The following CERS6 variants were observed in gnomAD, a reference collection of about 807,000 sequenced individuals.
CERS6 encodes ceramide synthase 6.
A neutral mutation model predicts 56.8 loss-of-function variants in CERS6; 26 were observed. The ratio of observed to expected loss-of-function variants is 0.46; its 90% CI spans 0.34 to 0.63. The LOEUF (loss-of-function observed/expected upper bound fraction) is 0.63. Among genes scored for constraint, CERS6 ranks in the 30% least tolerant of loss-of-function variants. The pLI, the probability that CERS6 is intolerant of heterozygous loss-of-function variation, is 0.01. For synonymous variants in CERS6, 164 were observed against 173.3 expected (o/e 0.95, Z 0.42); for missense variants, 415 against 467.5 (o/e 0.89, Z 1.04).
At chr2:168,585,933 A>G (rs1683530756) in intron 3 of CERS6, among the ~76,000 whole-genome samples, 1 of 152,218 alleles carries the variant, frequency 6.6e-6, no homozygotes, top group South Asian at 2.1e-4. Flanking sequence ...TAGGGCATTT[A>G]GATTCTGCAA....
At chr2:168,719,257 G>A (rs1320875204) in intron 8 of CERS6, among the ~76,000 whole-genome samples, 2 of 152,186 alleles carry the variant, frequency 1.3e-5, no homozygotes, top group African/African-American at 4.8e-5. Flanking sequence ...GTATGGGGTG[G>A]GGGAGGCCAG....
At chr2:168,630,879 G>A in intron 3 of CERS6, 106 bp from the exon 4 acceptor site, 2 of 509,034 alleles carry the variant, frequency 3.9e-6, no homozygotes, top group Non-Finnish European at 7.0e-6. Flanking sequence ...GTTGAGGTAG[G>A]GGGACAAATT....
chr2:168,741,236 G>A (rs1226147018), intron 8 of CERS6, among the ~76,000 whole-genome samples: 2 of 152,130 alleles, frequency 1.3e-5, no homozygotes, highest in African/African-American at 2.4e-5. Flanking sequence ...CTGGAGCTAT[G>A]ATGATTAATA....
chr2:168,718,911 T>C (rs558858139), intron 8 of CERS6, among the ~76,000 whole-genome samples: 1 of 152,358 alleles, frequency 6.6e-6, no homozygotes, highest in South Asian at 2.1e-4. Flanking sequence ...AGAAAAAGAA[T>C]GTGAAGTCAG....
intron 6 of CERS6, among the ~76,000 whole-genome samples, chr2:168,706,709 T>C (rs1019281182): frequency 6.6e-6 from 1 of 152,206 alleles, no homozygotes; most frequent in African/African-American, 2.4e-5. Context: ...TCTTGACACA[T>C]TTTTTGGTCT....
chr2:168,655,080 T>A (rs1232143586), intron 4 of CERS6, among the ~76,000 whole-genome samples: 1 of 152,108 alleles, frequency 6.6e-6, no homozygotes, highest in African/African-American at 2.4e-5. Context: ...GCAAAGGACC[T>A]GAACAGACAT....
chr2:168,696,952 A>C (rs895642320), intron 6 of CERS6, among the ~76,000 whole-genome samples: 1 of 152,222 alleles, frequency 6.6e-6, no homozygotes, highest in Non-Finnish European at 1.5e-5. Context: ...AAGCAAAATC[A>C]GTTCCTTTAC....
At chr2:168,550,659 A>G (rs955884451) in intron 2 of CERS6, among the ~76,000 whole-genome samples, 1 of 152,184 alleles carries the variant, frequency 6.6e-6, no homozygotes, top group Admixed American at 6.5e-5. Context: ...TACCTTGGTC[A>G]GGGGAGCAGA....
intron 8 of CERS6, among the ~76,000 whole-genome samples, chr2:168,748,355 G>C (rs1684169154): frequency 6.6e-6 from 1 of 152,188 alleles, no homozygotes; most frequent in African/African-American, 2.4e-5. Flanking sequence ...GGAAACACAA[G>C]AGAGTGCCTT....
intron 3 of CERS6, among the ~76,000 whole-genome samples, chr2:168,627,023 G>A (rs562756913): frequency 2.6e-5 from 4 of 152,276 alleles, no homozygotes; most frequent in South Asian, 2.1e-4. Context: ...TAAAGACACA[G>A]AGGTAAATTT....
At position 168,456,349 on chromosome 2, in the gene CERS6, C is replaced by A; in HGVS notation, c.-100C>A. On this transcript the variant is annotated 5_prime_UTR_variant, in exon 1 of 10. Transcript: ENST00000305747. The surrounding 1 kb of genome is among the most constrained non-coding windows in gnomAD (Gnocchi z 4.1). ...CGGGCGGGAGCAGCGGCGGCGGCGG[C>A]ACAGGCTCGGGGCCAGCCGGGCGCG... 1 of 844,682 alleles carries A rather than the reference C, an allele frequency of 1.2e-6. No individual in the cohort carries two copies. The highest frequency in any genetic ancestry group is 1.6e-6 in the Non-Finnish European group (1 of 641,262). 52.3% of individuals were successfully genotyped at this position (844,682 alleles called of 1,614,324 possible).
At chr2:168,677,376 C>T (rs879496631) in intron 4 of CERS6, among the ~76,000 whole-genome samples, 4 of 152,152 alleles carry the variant, frequency 2.6e-5, no homozygotes, top group Non-Finnish European at 5.9e-5. Context: ...GCATAGTATT[C>T]CATGGTCTAT....
chr2:168,532,492 T>A (rs10187002), intron 1 of CERS6, among the ~76,000 whole-genome samples: 140,946 of 151,826 alleles, frequency 0.93, 65,827 homozygotes, highest in Non-Finnish European at 0.99. Flanking sequence ...TTTCTATCTG[T>A]ACAGGTACTA....
chr2:168,515,237 A>G (rs1434223225), intron 1 of CERS6, among the ~76,000 whole-genome samples: 1 of 152,222 alleles, frequency 6.6e-6, no homozygotes, highest in Non-Finnish European at 1.5e-5. Context: ...ATCATTAAGA[A>G]TGAACAATTA....
At chr2:168,742,964 A>G (rs1683962842) in intron 8 of CERS6, among the ~76,000 whole-genome samples, 1 of 152,092 alleles carries the variant, frequency 6.6e-6, no homozygotes, top group East Asian at 1.9e-4. Context: ...TTTGATATTT[A>G]TCTCCTCGGG....
intron 4 of CERS6, among the ~76,000 whole-genome samples, chr2:168,674,050 GT>G (rs1685990410): frequency 6.6e-6 from 1 of 152,122 alleles, no homozygotes; most frequent in African/African-American, 2.4e-5. Context: ...ACCGTGACCT[GT>G]TACGTATGGG....
At chr2:168,457,309 T>G (rs572690553) in intron 1 of CERS6, among the ~76,000 whole-genome samples, 1 of 152,328 alleles carries the variant, frequency 6.6e-6, no homozygotes, top group East Asian at 1.9e-4. Flanking sequence ...GATATTAAAC[T>G]GATAACCCTG....
intron 3 of CERS6, among the ~76,000 whole-genome samples, chr2:168,597,443 C>T (rs1223638473): frequency 6.6e-6 from 1 of 152,158 alleles, no homozygotes; most frequent in Non-Finnish European, 1.5e-5. Context: ...TGTCGGATGA[C>T]CACTCCCGGA....
chr2:168,637,260 G>A (rs1452497947), intron 4 of CERS6, among the ~76,000 whole-genome samples: 4 of 152,120 alleles, frequency 2.6e-5, no homozygotes, highest in East Asian at 3.9e-4. Flanking sequence ...CGTGGATCAC[G>A]AGGTCAGGAG....
Sources: allele counts gnomAD v4.1 joint callset (sites outside exome capture counted in the v4.1 genomes callset), GRCh38; gene constraint gnomAD v4.1.1; non-coding constraint Gnocchi (gnomAD v3.1); transcripts MANE v1.5; gene names NCBI Gene and HGNC (gene_info 2026-07-23, HGNC 2026-07-21).